PTPRT: variants seen among roughly 807,000 people sequenced by gnomAD.
PTPRT encodes protein tyrosine phosphatase receptor type T, also known as receptor-type tyrosine-protein phosphatase T.
Under a neutral mutation model 176.8 loss-of-function variants are expected in PTPRT, and 56 were observed. The observed-to-expected ratio is 0.32, with a 90% CI of 0.26 to 0.40. The LOEUF (loss-of-function observed/expected upper bound fraction) is 0.40. Ranked by LOEUF, PTPRT falls within the 10% of genes least tolerant of loss-of-function variation. The pLI is 1.00. For synonymous variants in PTPRT, 783 were observed against 739.0 expected, an observed-to-expected ratio of 1.06 and a Z score of -0.96; for missense variants, 1,540 against 1,908.2, an observed-to-expected ratio of 0.81 and a Z score of 3.60.
intron 15 of PTPRT, among the ~76,000 whole-genome samples, chr20:42,219,116 T>C (rs2055830007): frequency 6.6e-6 from 1 of 152,190 alleles, no homozygotes; most frequent in Admixed American, 6.5e-5. Flanking sequence ...CTGGTCTGTC[T>C]GCGCTCCTGG....
At chr20:43,186,717 G>A (rs565414227) in intron 1 of PTPRT, among the ~76,000 whole-genome samples, 1 of 152,306 alleles carries the variant, frequency 6.6e-6, no homozygotes, top group East Asian at 1.9e-4. Context: ...TTTAAGCCAC[G>A]TTTGCACATT....
rs1291303505 is a variant in PTPRT, at chr20:42,098,464, T to C, written c.3803A>G (p.Asn1268Ser). The C allele has an allele frequency of 7.4e-6, 12 of 1,614,000 alleles. No homozygotes were observed. The highest frequency in any genetic ancestry group is 4.0e-5 in the African/African-American group (3 of 74,900). ...ADFWRLVFDY[N>S]CSSVVMLNEM... ...ATTCAGCATCACCACAGAGGAGCAG[T>C]TGTAATCGAACACCAGCCTCCAGAA... Residue 1268 changes from asparagine to serine, a missense_variant, in exon 27 of 31, where the codon AAC becomes AGC. Around this residue, in one of 11 missense-constraint regions of PTPRT, gnomAD observed 342 missense variants for 394.0 expected, o/e 0.87. Transcript: ENST00000373187.
rs112829134 is a variant in PTPRT, at chr20:42,392,934, C to A, written c.1561-40649G>T. On this transcript the variant is annotated intron_variant, in intron 9 of 30. Coordinates refer to ENST00000373187, the MANE Select transcript of PTPRT (RefSeq NM_007050.6). ...ACAAGGAAGTCTTCAGAAAAGAAGG[C>A]CCAAAGAAAGAGGAAAATCTGATTT... Among the ~76,000 whole-genome samples the A allele has an allele frequency of 7.1e-3, 1,074 of 151,900 alleles. 15 individuals are homozygous for A. Among genetic ancestry groups the A allele is most frequent in the African/African-American group, 0.024 (1,007 of 41,410 alleles).
chr20:43,184,384 T>C (rs988114240), intron 1 of PTPRT, among the ~76,000 whole-genome samples: 1 of 152,118 alleles, frequency 6.6e-6, no homozygotes, highest in African/African-American at 2.4e-5. Context: ...TGCTCACATT[T>C]GAAGATAAAA....
At chr20:42,194,588 T>G (rs1991127806) in intron 16 of PTPRT, among the ~76,000 whole-genome samples, 1 of 151,916 alleles carries the variant, frequency 6.6e-6, no homozygotes, top group Non-Finnish European at 1.5e-5. Context: ...AGAAGAAGAT[T>G]TAAGCACCAG....
chr20:42,284,951 C>A (rs554755661), intron 12 of PTPRT, among the ~76,000 whole-genome samples: 2 of 147,044 alleles, frequency 1.4e-5, no homozygotes, highest in East Asian at 2.0e-4. Context: ...AGAGAACATA[C>A]CCAAAAGATG....
chr20:42,997,969 T>C (rs183179531), intron 1 of PTPRT, among the ~76,000 whole-genome samples: 1,742 of 152,148 alleles, frequency 0.011, 47 homozygotes, highest in African/African-American at 0.039. Context: ...GGGCAATGCC[T>C]CTTTGTGGCT....
intron 1 of PTPRT, among the ~76,000 whole-genome samples, chr20:42,956,166 C>T (rs560644208): frequency 6.6e-6 from 1 of 152,200 alleles, no homozygotes; most frequent in South Asian, 2.1e-4. Flanking sequence ...TGGGGTTTTT[C>T]CAAGCATTGT....
At chr20:42,035,110 C>T in the PTPRT span, among the ~76,000 whole-genome samples, 2,502 of 152,210 alleles carry the variant, frequency 0.016, 68 homozygotes, top group African/African-American at 0.057. Context: ...AGCCCATGTC[C>T]GTCTGGGACA....
intron 13 of PTPRT, among the ~76,000 whole-genome samples, chr20:42,274,928 T>C (rs1011512201): frequency 3.6e-4 from 54 of 152,102 alleles, no homozygotes; most frequent in African/African-American, 1.3e-3. Flanking sequence ...AACAAATAGG[T>C]AGGAGACAGA....
chr20:43,002,372 G>C (rs554982491), intron 1 of PTPRT, among the ~76,000 whole-genome samples: 1 of 152,150 alleles, frequency 6.6e-6, no homozygotes, highest in South Asian at 2.1e-4. Context: ...TTAACGTAGG[G>C]GATCTGATTA....
intron 9 of PTPRT, among the ~76,000 whole-genome samples, chr20:42,441,619 G>A (rs2059316770): frequency 1.3e-5 from 2 of 152,202 alleles, no homozygotes; most frequent in Non-Finnish European, 2.9e-5. Flanking sequence ...TGGGCAGGGA[G>A]GAACTGAAAT....
rs1020995418 is a variant in PTPRT at position 43,189,854 on chromosome 20, C to A, written c.-121G>T. ...GGCTGTGCGCGCGGCTGGCTCCGCTCGGGCTCCCGGAGCCGGCGCTCCTGC... is the reference window on the plus strand; with the variant it reads ...GGCTGTGCGCGCGGCTGGCTCCGCTAGGGCTCCCGGAGCCGGCGCTCCTGC... On this transcript the variant is annotated 5_prime_UTR_variant, in exon 1 of 31. Coordinates refer to ENST00000373187, the MANE Select transcript of PTPRT (RefSeq NM_007050.6). This position sits in a 1 kb window ranked among gnomAD's most constrained non-coding sequence, Gnocchi z 5.0. 1.9e-4 allele frequency: 62 copies of A among 325,874 alleles called. No homozygotes were observed. Among genetic ancestry groups the A allele is most frequent in the Non-Finnish European group, 2.5e-4 (58 of 233,952 alleles). The allele number at this position is 325,874 out of a possible 1,614,324, so 20.2% of individuals were successfully genotyped here. A position where few individuals can be genotyped will look rare whatever the true frequency, so the allele number is the denominator to read the frequency against.
At chr20:42,725,099 C>A (rs1478843445) in intron 6 of PTPRT, among the ~76,000 whole-genome samples, 1 of 151,462 alleles carries the variant, frequency 6.6e-6, no homozygotes, top group Admixed American at 6.6e-5. Context: ...ATGATCTCGG[C>A]TCACTGTAGC....
At chr20:42,230,145 T>G (rs1691459617) in intron 15 of PTPRT, among the ~76,000 whole-genome samples, 2 of 152,154 alleles carry the variant, frequency 1.3e-5, no homozygotes, top group African/African-American at 2.4e-5. Context: ...ATCTGGACTT[T>G]GAAGAATGAT....
chr20:42,740,837 A>C (rs1430728638), intron 6 of PTPRT, among the ~76,000 whole-genome samples: 1 of 152,064 alleles, frequency 6.6e-6, no homozygotes, highest in East Asian at 1.9e-4. Flanking sequence ...GCCACCAAGA[A>C]CTTCTTCCTG....
the PTPRT span, among the ~76,000 whole-genome samples, chr20:42,032,060 A>G: frequency 5.5e-4 from 83 of 152,286 alleles, no homozygotes; most frequent in African/African-American, 2.0e-3. Context: ...AACCCATGCA[A>G]TCTGGCTCCA....
At chr20:42,614,930 T>A (rs1458296702) in intron 7 of PTPRT, among the ~76,000 whole-genome samples, 4 of 143,520 alleles carry the variant, frequency 2.8e-5, no homozygotes, top group African/African-American at 1.1e-4. Flanking sequence ...TTCTTTTTTT[T>A]TTTTCTATTT....
intron 5 of PTPRT, among the ~76,000 whole-genome samples, chr20:42,760,347 T>C (rs1386590616): frequency 2.6e-5 from 4 of 151,696 alleles, no homozygotes; most frequent in Admixed American, 6.6e-5. Context: ...AGCTACTGCC[T>C]TGAGATTTTC....
Sources: allele counts gnomAD v4.1 joint callset (sites outside exome capture counted in the v4.1 genomes callset), GRCh38; gene constraint gnomAD v4.1.1; regional missense constraint gnomAD v4.1.1; non-coding constraint Gnocchi (gnomAD v3.1); transcripts MANE v1.5; gene names NCBI Gene and HGNC (gene_info 2026-07-23, HGNC 2026-07-21).